LINGO1: variants seen among roughly 807,000 people sequenced by gnomAD.
LINGO1 encodes leucine rich repeat and Ig domain containing 1.
LINGO1 carries 11 observed loss-of-function variants against 37.3 expected under a neutral mutation model. The ratio of observed to expected loss-of-function variants is 0.29; its 90% CI spans 0.19 to 0.49. LINGO1 has a LOEUF of 0.49. Ranked by LOEUF, LINGO1 falls within the 20% of genes least tolerant of loss-of-function variation. The pLI is 0.99. For missense variants in LINGO1, 585 were observed against 878.2 expected (o/e 0.67, Z 4.22); for synonymous variants, 387 against 403.0 (o/e 0.96, Z 0.48).
intron 2 of LINGO1, among the ~76,000 whole-genome samples, chr15:77,680,833 C>G (rs951149755): frequency 1.3e-5 from 2 of 152,206 alleles, no homozygotes; most frequent in African/African-American, 4.8e-5. Flanking sequence ...CCTTGGAGTG[C>G]AAACTTAATT....
chr15:77,674,420 TG>T (rs2075297612), intron 3 of LINGO1, among the ~76,000 whole-genome samples: 1 of 152,220 alleles, frequency 6.6e-6, no homozygotes, highest in Admixed American at 6.5e-5. Flanking sequence ...GAACCTTCCA[TG>T]GCTTTCCCCA....
chr15:77,659,094 G>A (rs1472934075), intron 3 of LINGO1, among the ~76,000 whole-genome samples: 1 of 152,200 alleles, frequency 6.6e-6, no homozygotes, highest in Non-Finnish European at 1.5e-5. Flanking sequence ...GCTGGGACTA[G>A]ATCTGAAGCT....
chr15:77,790,009 C>T (rs772624624), upstream of LINGO1, among the ~76,000 whole-genome samples: 14 of 152,112 alleles, frequency 9.2e-5, no homozygotes, highest in Non-Finnish European at 1.6e-4. Flanking sequence ...TGGGCTCAAG[C>T]GATCCTCCTG....
At chr15:77,757,021 G>A (rs931409793) in intron 1 of LINGO1, among the ~76,000 whole-genome samples, 2 of 152,182 alleles carry the variant, frequency 1.3e-5, no homozygotes, top group African/African-American at 4.8e-5. Flanking sequence ...AGGCAGAGGG[G>A]CAATAGGAAA....
chr15:77,706,267 C>T (rs1160382779), intron 2 of LINGO1, among the ~76,000 whole-genome samples: 1 of 152,150 alleles, frequency 6.6e-6, no homozygotes, highest in African/African-American at 2.4e-5. Flanking sequence ...CCCAACCCGG[C>T]ACCTGTCCTG....
At chr15:77,753,903 G>A (rs533917653) in intron 1 of LINGO1, among the ~76,000 whole-genome samples, 2 of 152,210 alleles carry the variant, frequency 1.3e-5, no homozygotes, top group Non-Finnish European at 2.9e-5. Context: ...ATTTAACAGA[G>A]GAAAAAAGTG....
rs2076640286 is a variant in LINGO1 at position 77,776,447 on chromosome 15, T to TAGCAGGAAGGCAGGAAGGCAGGAA, written c.-257+10398_-257+10421dup. 8.0e-3 allele frequency among the ~76,000 whole-genome samples: 279 copies of TAGCAGGAAGGCAGGAAGGCAGGAA among 34,944 alleles called. 8 individuals carry two copies. The highest frequency in any genetic ancestry group is 0.025 in the African/African-American group (247 of 9,754). 22.9% of individuals were successfully genotyped at this position (34,944 alleles called of 152,430 possible). On this transcript the variant is annotated intron_variant, in intron 1 of 3. Coordinates refer to the LINGO1 transcript ENST00000561686. ...GGGCAGGTCACCTGTCCCGGGGCTT[T>TAGCAGGAAGGCAGGAAGGCAGGAA]AGCAGGAAGGCAGGAAGGCAGGAAG...
At chr15:77,704,113 C>A (rs924844421) in intron 2 of LINGO1, among the ~76,000 whole-genome samples, 9 of 152,188 alleles carry the variant, frequency 5.9e-5, no homozygotes, top group Admixed American at 4.6e-4. Context: ...ATAATACCCA[C>A]CATCAGTCCA....
In LINGO1 at chr15:77,750,554, C is replaced by T. The variant is rs550843113; in HGVS notation, c.-256-15501G>A. ...TTCCGGTGCGTGCCTGCTTCTCTCC[C>T]TGTCTATCTCTCCCACCTCCTGGGC... On this transcript the variant is annotated intron_variant, in intron 1 of 3. Transcript: ENST00000561686. Among the ~76,000 whole-genome samples the T allele has an allele frequency of 3.3e-5, 5 of 152,246 alleles. 1 individual carries two copies. Among genetic ancestry groups the T allele is most frequent in the African/African-American group, 1.2e-4 (5 of 41,558 alleles).
At chr15:77,737,194 C>G (rs12438542) in intron 1 of LINGO1, among the ~76,000 whole-genome samples, 52,102 of 152,160 alleles carry the variant, frequency 0.34, 10,411 homozygotes, top group Admixed American at 0.5. Context: ...CATAAAACAT[C>G]TGTACTGATC....
intron 3 of LINGO1, among the ~76,000 whole-genome samples, chr15:77,659,156 T>C (rs1298754927): frequency 1.3e-5 from 2 of 152,164 alleles, no homozygotes; most frequent in Admixed American, 1.3e-4. Context: ...CACTGAAGCG[T>C]ATAAGCAGGG....
chr15:77,750,578 G>T (rs866784759), intron 1 of LINGO1, among the ~76,000 whole-genome samples: 5 of 152,106 alleles, frequency 3.3e-5, no homozygotes, highest in African/African-American at 9.7e-5. Flanking sequence ...CACCTCCTGG[G>T]CCTGCTTCTG....
intron 1 of LINGO1, among the ~76,000 whole-genome samples, chr15:77,739,311 C>T (rs945564267): frequency 4.6e-5 from 7 of 152,184 alleles, no homozygotes; most frequent in African/African-American, 1.7e-4. Context: ...TTGATCTTTG[C>T]CTGAAACGGA....
Position 77,632,237 on chromosome 15 carries a change from G to A in LINGO1, c.6+73C>T, listed in dbSNP as rs1358470073. ...GCAACCCCAGGAGGGCGCAGCCAGG[G>A]CCGATGGCGGCCCCCAGGGGCACTC... On this transcript the variant is annotated intron_variant, in intron 1 of 1. Transcript: ENST00000355300. This position sits in a 1 kb window ranked among gnomAD's most constrained non-coding sequence, Gnocchi z 6.0. The A allele has an allele frequency of 2.3e-6, 3 of 1,306,914 alleles. No homozygotes were observed. The highest frequency in any genetic ancestry group is 3.1e-5 in the East Asian group (1 of 31,824). 81.0% of individuals were successfully genotyped at this position (1,306,914 alleles called of 1,614,324 possible). A position where few individuals can be genotyped will look rare whatever the true frequency, so the allele number is the denominator to read the frequency against.
chr15:77,645,892 T>G (rs1029620928), intron 3 of LINGO1, among the ~76,000 whole-genome samples: 5 of 152,240 alleles, frequency 3.3e-5, no homozygotes, highest in Admixed American at 2.6e-4. Context: ...AGATGCCAAG[T>G]GCCCTTAGAC....
chr15:77,687,135 G>A (rs1293839419), intron 2 of LINGO1, among the ~76,000 whole-genome samples: 1 of 152,190 alleles, frequency 6.6e-6, no homozygotes, highest in African/African-American at 2.4e-5. Flanking sequence ...CAGGATCAGG[G>A]CTCAGTGTGA....
chr15:77,713,914 T>C (rs11072665), intron 2 of LINGO1, among the ~76,000 whole-genome samples: 83,280 of 151,956 alleles, frequency 0.55, 23,288 homozygotes, highest in African/African-American at 0.65. Flanking sequence ...ATGGTGGTGA[T>C]CCCAGCGTCC....
intron 3 of LINGO1, among the ~76,000 whole-genome samples, chr15:77,661,014 A>C: frequency 6.6e-6 from 1 of 152,092 alleles, no homozygotes; most frequent in Non-Finnish European, 1.5e-5. Context: ...GAAGGCCTTC[A>C]GCTGGCAAAT....
intron 1 of LINGO1, among the ~76,000 whole-genome samples, chr15:77,616,373 C>G (rs1259629051): frequency 6.6e-6 from 1 of 152,204 alleles, no homozygotes; most frequent in Non-Finnish European, 1.5e-5. Context: ...GCAGAGCAAC[C>G]AGGAGTGTGG....
Sources: allele counts gnomAD v4.1 joint callset (sites outside exome capture counted in the v4.1 genomes callset), GRCh38; gene constraint gnomAD v4.1.1; non-coding constraint Gnocchi (gnomAD v3.1); transcripts MANE v1.5; gene names NCBI Gene and HGNC (gene_info 2026-07-23, HGNC 2026-07-21).